The following DRD3 variants were observed in gnomAD, a reference collection of about 807,000 sequenced individuals.
DRD3 encodes dopamine receptor D3, also known as D(3) dopamine receptor.
DRD3 carries 19 observed loss-of-function variants against 36.3 expected under a neutral mutation model. That is an observed-to-expected ratio of 0.52 (90% confidence interval 0.36 to 0.77). The LOEUF (loss-of-function observed/expected upper bound fraction) is 0.77, where lower values mean the gene tolerates loss of function less well. Among genes scored for constraint, DRD3 ranks in the 30% least tolerant of loss-of-function variants. The pLI, the probability that DRD3 is intolerant of heterozygous loss-of-function variation, is 0.00. For synonymous variants in DRD3, 195 were observed against 203.7 expected (o/e 0.96, Z 0.36); for missense variants, 465 against 505.3 (o/e 0.92, Z 0.77).
Position 114,197,978 on chromosome 3 carries a change from G to A in DRD3, c.-156+1295C>T, listed in dbSNP as rs71319400. The stretch of plus-strand genomic sequence containing the variant: ...CCAGCTTCTTATTTTCTACCAAAAA[G>A]TCTGCAGAGATTTTGATTGGGATTG... On this transcript the variant is annotated intron_variant, in intron 1 of 7. Coordinates refer to the DRD3 transcript ENST00000460779. 3.4e-3 allele frequency among the ~76,000 whole-genome samples: 512 copies of A among 152,196 alleles called. 2 individuals are homozygous for A. Among genetic ancestry groups the A allele is most frequent in the Non-Finnish European group, 6.0e-3 (408 of 67,998 alleles).
chr3:114,150,859 T>C (rs746296238), intron 3 of DRD3, among the ~76,000 whole-genome samples: 2 of 152,190 alleles, frequency 1.3e-5, no homozygotes, highest in Admixed American at 6.5e-5. Flanking sequence ...CTCTTGTGCA[T>C]CTTGTTGTAG....
chr3:114,172,894 C>G (rs2077860651), intron 1 of DRD3, among the ~76,000 whole-genome samples: 1 of 151,622 alleles, frequency 6.6e-6, no homozygotes, highest in Non-Finnish European at 1.5e-5. Context: ...GAAACCCAAG[C>G]AAAAGTGACT....
intron 1 of DRD3, among the ~76,000 whole-genome samples, chr3:114,174,908 CTA>C (rs1432879122): frequency 6.6e-6 from 1 of 152,086 alleles, no homozygotes; most frequent in Admixed American, 6.5e-5. Context: ...CAATCACTCT[CTA>C]AGTAATTTAC....
In DRD3 at chr3:114,132,206, C is replaced by A. The variant is rs1237745261; in HGVS notation, c.724-806G>T. 2.0e-5 allele frequency among the ~76,000 whole-genome samples: 3 copies of A among 152,148 alleles called. No homozygotes were observed. The East Asian group carries it at 5.8e-4, about 29-fold the overall frequency. On this transcript the variant is annotated intron_variant, in intron 5 of 6. Transcript: ENST00000383673. ...ATAAAGAAAATGTGACACATATACACTATAGAATACTATGCAGCCATAAAA... is the reference window on the plus strand; with the variant it reads ...ATAAAGAAAATGTGACACATATACAATATAGAATACTATGCAGCCATAAAA...
chr3:114,174,141 T>TAGAA (rs2077874664), intron 1 of DRD3, among the ~76,000 whole-genome samples: 1 of 152,236 alleles, frequency 6.6e-6, no homozygotes, highest in African/African-American at 2.4e-5. Flanking sequence ...TATAATTTTC[T>TAGAA]CATTATTCAG....
intron 2 of DRD3, among the ~76,000 whole-genome samples, chr3:114,168,719 G>A (rs2077810547): frequency 1.3e-5 from 2 of 152,150 alleles, no homozygotes; most frequent in Admixed American, 1.3e-4. Context: ...GACACCATGG[G>A]GCAGCTGAAC....
intron 1 of DRD3, among the ~76,000 whole-genome samples, chr3:114,175,450 C>T (rs753010642): frequency 2.6e-5 from 4 of 151,944 alleles, no homozygotes; most frequent in Non-Finnish European, 2.9e-5. Flanking sequence ...ACATTCAGGA[C>T]GATATTCATG....
intron 3 of DRD3, among the ~76,000 whole-genome samples, chr3:114,149,404 A>G (rs1048396462): frequency 2.6e-5 from 4 of 152,162 alleles, no homozygotes; most frequent in Non-Finnish European, 5.9e-5. Flanking sequence ...CCTGATTTCT[A>G]TGATGGCTAC....
intron 1 of DRD3, among the ~76,000 whole-genome samples, chr3:114,194,976 C>T (rs1462355398): frequency 1.3e-5 from 2 of 152,158 alleles, no homozygotes; most frequent in Non-Finnish European, 2.9e-5. Context: ...AGCTTGTCTG[C>T]TCTCAATTCA....
chr3:114,175,406 G>T (rs2077888293), intron 1 of DRD3, among the ~76,000 whole-genome samples: 1 of 152,132 alleles, frequency 6.6e-6, no homozygotes, highest in African/African-American at 2.4e-5. Context: ...CATTCTTAAT[G>T]TCATCATGTC....
chr3:114,185,018 A>G (rs758893627), intron 1 of DRD3, among the ~76,000 whole-genome samples: 1 of 150,864 alleles, frequency 6.6e-6, no homozygotes, highest in Non-Finnish European at 1.5e-5. Flanking sequence ...GCCCTTGCAT[A>G]TGATGAATCA....
At chr3:114,129,447 T>C (rs1194163777) in intron 6 of DRD3, among the ~76,000 whole-genome samples, 3 of 152,292 alleles carry the variant, frequency 2.0e-5, no homozygotes, top group Non-Finnish European at 4.4e-5. Flanking sequence ...TTCATTCACT[T>C]TGGCCTTTGT....
intron 2 of DRD3, among the ~76,000 whole-genome samples, chr3:114,161,421 A>G (rs1208748269): frequency 6.6e-6 from 1 of 152,180 alleles, no homozygotes; most frequent in African/African-American, 2.4e-5. Context: ...CAATAAAATA[A>G]GGTCCTAAAA....
At chr3:114,135,795 T>C (rs1203398311) in intron 5 of DRD3, among the ~76,000 whole-genome samples, 2 of 152,170 alleles carry the variant, frequency 1.3e-5, no homozygotes, top group Non-Finnish European at 2.9e-5. Context: ...GTTAGAGTGA[T>C]TCTTGTGCCT....
chr3:114,172,746 C>A (rs1381862996), intron 1 of DRD3, among the ~76,000 whole-genome samples: 1 of 152,128 alleles, frequency 6.6e-6, no homozygotes, highest in Non-Finnish European at 1.5e-5. Context: ...AATAATGAAA[C>A]CCATCTATCT....
chr3:114,142,421 C>G (rs551576684), intron 4 of DRD3, among the ~76,000 whole-genome samples: 1 of 152,270 alleles, frequency 6.6e-6, no homozygotes, highest in South Asian at 2.1e-4. Context: ...CCTACCCACT[C>G]TGGGTTCTGG....
At chr3:114,185,935 T>C (rs2077973004) in intron 1 of DRD3, among the ~76,000 whole-genome samples, 1 of 152,210 alleles carries the variant, frequency 6.6e-6, no homozygotes, top group Non-Finnish European at 1.5e-5. Flanking sequence ...TTGAAGTTAA[T>C]AATGTGGTAA....
At chr3:114,140,194 C>T (rs1246601224) in intron 4 of DRD3, among the ~76,000 whole-genome samples, 1 of 152,196 alleles carries the variant, frequency 6.6e-6, no homozygotes, top group Non-Finnish European at 1.5e-5. Flanking sequence ...GCTGAGAATG[C>T]CAGTTCTCCA....
Position 114,172,019 on chromosome 3 carries a change from A to G in DRD3, c.-27T>C. ...GCCCAGAGGGAGGTGCGTGATGCCAAGGGGCTTCCTGTGAGGAGACAGAAA... is the reference window on the plus strand; with the variant it reads ...GCCCAGAGGGAGGTGCGTGATGCCAGGGGGCTTCCTGTGAGGAGACAGAAA... On this transcript the variant is annotated 5_prime_UTR_variant, in exon 2 of 7. Coordinates refer to ENST00000383673, the MANE Select transcript of DRD3 (RefSeq NM_000796.6). The G allele has an allele frequency of 1.4e-6, 2 of 1,411,510 alleles. No individual in the cohort carries two copies. Among genetic ancestry groups the G allele is most frequent in the East Asian group, 5.4e-5 (2 of 37,006 alleles). 87.4% of individuals were successfully genotyped at this position (1,411,510 alleles called of 1,614,324 possible). A position where few individuals can be genotyped will look rare whatever the true frequency, so the allele number is the denominator to read the frequency against.
Sources: allele counts gnomAD v4.1 joint callset (sites outside exome capture counted in the v4.1 genomes callset), GRCh38; gene constraint gnomAD v4.1.1; transcripts MANE v1.5; gene names NCBI Gene and HGNC (gene_info 2026-07-23, HGNC 2026-07-21).